RAD18: variants seen among roughly 807,000 people sequenced by gnomAD.
RAD18 encodes the protein RAD18 E3 ubiquitin protein ligase.
RAD18 carries 47 observed loss-of-function variants against 60.4 expected under a neutral mutation model. The observed-to-expected ratio is 0.78, with a 90% CI of 0.62 to 0.99. The LOEUF is 0.99. Among genes scored for constraint, RAD18 ranks in the 50% least tolerant of loss-of-function variants. The pLI, the probability that RAD18 is intolerant of heterozygous loss-of-function variation, is 0.00. For missense variants in RAD18, 640 were observed against 593.3 expected, an observed-to-expected ratio of 1.08 and a Z score of -0.82; for synonymous variants, 225 against 195.5, an observed-to-expected ratio of 1.15 and a Z score of -1.26.
intron 9 of RAD18, among the ~76,000 whole-genome samples, chr3:8,904,846 TAGTC>T (rs1228813178): frequency 6.6e-6 from 1 of 152,224 alleles, no homozygotes; most frequent in Non-Finnish European, 1.5e-5. Flanking sequence ...ATTTAAGAAT[TAGTC>T]AAGAAATTTG....
At chr3:8,927,063 T>C (rs867590845) in intron 7 of RAD18, among the ~76,000 whole-genome samples, 2,393 of 152,038 alleles carry the variant, frequency 0.016, 66 homozygotes, top group African/African-American at 0.055. Context: ...ACAAATGGGA[T>C]CTAATTAAAC....
At chr3:8,909,074 G>C (rs371273527) in intron 9 of RAD18, among the ~76,000 whole-genome samples, 3 of 152,158 alleles carry the variant, frequency 2.0e-5, no homozygotes, top group Non-Finnish European at 4.4e-5. Flanking sequence ...AGGGGGGTCA[G>C]AGGCAATTAG....
chr3:8,957,514 G>C (rs1178922440), intron 2 of RAD18, among the ~76,000 whole-genome samples: 1 of 152,154 alleles, frequency 6.6e-6, no homozygotes, highest in Non-Finnish European at 1.5e-5. Flanking sequence ...ATTGTACCTT[G>C]AGGTATTTAC....
At chr3:8,925,020 C>T (rs892870673) in intron 7 of RAD18, among the ~76,000 whole-genome samples, 9 of 151,854 alleles carry the variant, frequency 5.9e-5, no homozygotes, top group African/African-American at 2.2e-4. Context: ...CAAGAGCAAA[C>T]ACATTCAAAA....
chr3:8,933,502 C>T (rs1000963556), intron 7 of RAD18, among the ~76,000 whole-genome samples: 33 of 152,236 alleles, frequency 2.2e-4, no homozygotes, highest in Middle Eastern at 6.8e-3. Flanking sequence ...ATACAAAAAG[C>T]GACAAGCCAT....
chr3:8,912,352 G>T lies in RAD18; in HGVS notation c.987C>A (p.Asp329Glu). 1.9e-6 allele frequency: 3 copies of T among 1,559,706 alleles called. No homozygotes were observed. The highest frequency in any genetic ancestry group is 2.4e-5 in the East Asian group (1 of 42,112). The change falls in exon 9 of 13, where the codon GAC becomes GAA. Residue 329 changes from aspartate (D) to glutamate (E), a missense_variant. Asp to Glu is a conservative substitution (Grantham distance 45). Transcript: ENST00000264926. Reference protein sequence around the residue: ...LNESVMVFTKDQTEKEIDEIH... With the variant: ...LNESVMVFTKEQTEKEIDEIH... ...TTTCATCTATTTCCTTTTCTGTTTGGTCCTTTGTAAAAACCATTACCTAAA... is the reference window on the plus strand; with the variant it reads ...TTTCATCTATTTCCTTTTCTGTTTGTTCCTTTGTAAAAACCATTACCTAAA...
Position 8,953,519 on chromosome 3 carries a change from C to T in RAD18, c.134-4949G>A, listed in dbSNP as rs149322630. Among the ~76,000 whole-genome samples the T allele has an allele frequency of 5.3e-4, 80 of 152,226 alleles. 1 individual carries two copies. The East Asian group carries it at 0.015, about 28-fold the overall frequency. On this transcript the variant is annotated intron_variant, in intron 2 of 12. Coordinates refer to ENST00000264926, the MANE Select transcript of RAD18 (RefSeq NM_020165.4). Reference sequence around the variant, plus strand: ...GCATAATTTATTCTCTAGTGGGCAACTATGACAACCCTTCCATTCAAAGAA... The same window carrying T: ...GCATAATTTATTCTCTAGTGGGCAATTATGACAACCCTTCCATTCAAAGAA...
chr3:8,900,406 A>T (rs947569790), intron 10 of RAD18, among the ~76,000 whole-genome samples: 1 of 152,232 alleles, frequency 6.6e-6, no homozygotes, highest in Non-Finnish European at 1.5e-5. Context: ...CAGGAATTCA[A>T]CTTAAAACAA....
chr3:8,925,527 T>C (rs539328611), intron 7 of RAD18, among the ~76,000 whole-genome samples: 7 of 151,708 alleles, frequency 4.6e-5, no homozygotes, highest in South Asian at 2.1e-4. Flanking sequence ...TTCCAATCAA[T>C]AGAAAAAAAG....
chr3:8,920,293 A>AAAAAAG (rs1559777141), intron 7 of RAD18, among the ~76,000 whole-genome samples: 6 of 151,340 alleles, frequency 4.0e-5, no homozygotes, highest in Non-Finnish European at 2.9e-5. Flanking sequence ...AAAAAAAAAA[A>AAAAAAG]AAAAAGAAAA....
At chr3:8,902,654 G>A (rs1045722370) in intron 9 of RAD18, 134 bp from the exon 10 acceptor site, 3 of 834,186 alleles carry the variant, frequency 3.6e-6, no homozygotes, top group Non-Finnish European at 5.2e-6. Context: ...CACTTCAGGA[G>A]CCTGAAGTGA....
At chr3:8,890,723 G>C (rs2125046980) in intron 11 of RAD18, among the ~76,000 whole-genome samples, 1 of 152,238 alleles carries the variant, frequency 6.6e-6, no homozygotes, top group East Asian at 1.9e-4. Flanking sequence ...CAGGGAGGCT[G>C]AGATTCCCTG....
intron 12 of RAD18, among the ~76,000 whole-genome samples, chr3:8,888,430 A>T (rs1236604191): frequency 6.6e-6 from 1 of 152,202 alleles, no homozygotes; most frequent in Non-Finnish European, 1.5e-5. Context: ...GAATTAAGAG[A>T]ATGTGTCGGA....
intron 4 of RAD18, among the ~76,000 whole-genome samples, chr3:8,944,682 G>A (rs1000338042): frequency 1.3e-5 from 2 of 151,562 alleles, no homozygotes; most frequent in African/African-American, 4.9e-5. Flanking sequence ...GAGGAAGGAA[G>A]GAAGGAAGGA....
At chr3:8,899,210 A>C (rs111897105) in intron 10 of RAD18, among the ~76,000 whole-genome samples, 163 bp from the exon 11 acceptor site, 1 of 152,322 alleles carries the variant, frequency 6.6e-6, no homozygotes, top group African/African-American at 2.4e-5. Flanking sequence ...TTAACACTAC[A>C]ATGGTGCTAT....
chr3:8,959,026 C>T, intron 1 of RAD18, 25 bp from the exon 2 acceptor site: 3 of 1,589,100 alleles, frequency 1.9e-6, no homozygotes, highest in Non-Finnish European at 2.6e-6. Flanking sequence ...TGCATATATA[C>T]ATATCAGAAA....
chr3:8,930,969 C>T (rs571569396), intron 7 of RAD18, among the ~76,000 whole-genome samples: 2 of 152,096 alleles, frequency 1.3e-5, no homozygotes, highest in East Asian at 1.9e-4. Context: ...AGGATGTTTG[C>T]CCACACCACT....
chr3:8,891,482 A>T (rs1447423251), intron 11 of RAD18, among the ~76,000 whole-genome samples: 1 of 152,178 alleles, frequency 6.6e-6, no homozygotes, highest in African/African-American at 2.4e-5. Context: ...TTAAAGGAAA[A>T]CATTTGCAGT....
chr3:8,931,260 A>G (rs1342998454), intron 7 of RAD18, among the ~76,000 whole-genome samples: 2 of 152,236 alleles, frequency 1.3e-5, no homozygotes, highest in Non-Finnish European at 2.9e-5. Flanking sequence ...AACTACTCAC[A>G]ATAGCACCAA....
Sources: gnomAD v4.1 joint callset for allele counts (sites outside exome capture counted in the v4.1 genomes callset) on GRCh38, gnomAD v4.1.1 for gene constraint, MANE v1.5 for transcripts, NCBI Gene and HGNC (gene_info 2026-07-23, HGNC 2026-07-21) for gene names.